Variants in SKAP1 observed in about 807,000 individuals in gnomAD.
SKAP1 encodes the protein src kinase-associated phosphoprotein 1.
A neutral mutation model predicts 58.5 loss-of-function variants in SKAP1; 44 were observed. The observed-to-expected ratio is 0.75, with a 90% CI of 0.59 to 0.97. SKAP1 has a LOEUF of 0.97. Ranked by LOEUF, SKAP1 falls within the 50% of genes least tolerant of loss-of-function variation. SKAP1 has a pLI of 0.00. For missense variants in SKAP1, 390 were observed against 435.2 expected (o/e 0.90, Z 0.92); for synonymous variants, 127 against 149.7 (o/e 0.85, Z 1.11).
chr17:48,438,654 A>G, the SKAP1 span, among the ~76,000 whole-genome samples: 1 of 152,154 alleles, frequency 6.6e-6, no homozygotes, highest in African/African-American at 2.4e-5. Flanking sequence ...TCCAAACCAC[A>G]TGGGGGAAAC....
chr17:48,223,539 A>G (rs2065029064), intron 4 of SKAP1, among the ~76,000 whole-genome samples: 1 of 152,186 alleles, frequency 6.6e-6, no homozygotes, highest in African/African-American at 2.4e-5. Flanking sequence ...ACTGCTGAAA[A>G]CTGAAGTGTG....
Position 48,199,034 on chromosome 17 carries a change from A to C in SKAP1, c.281-9534T>G, listed in dbSNP as rs60414943. ...CACGATTATACATGCATCACTTGAGAGCCTATCTTTAAAAACGAATGACGA... is the reference window on the plus strand; with the variant it reads ...CACGATTATACATGCATCACTTGAGCGCCTATCTTTAAAAACGAATGACGA... On this transcript the variant is annotated intron_variant, in intron 4 of 12. Coordinates refer to ENST00000336915, the MANE Select transcript of SKAP1 (RefSeq NM_003726.4). Among the ~76,000 whole-genome samples, 619 of 152,292 alleles carry C rather than the reference A, an allele frequency of 4.1e-3. 12 individuals carry two copies. The highest frequency in any genetic ancestry group is 0.027 in the Admixed American group (407 of 15,304).
chr17:48,158,177 CAAAAAAAAAAA>C (rs55933327), intron 11 of SKAP1, among the ~76,000 whole-genome samples: 4 of 106,298 alleles, frequency 3.8e-5, no homozygotes, highest in African/African-American at 1.4e-4. Flanking sequence ...AACTCTGTCT[CAAAAAAAAAAA>C]AAAAAAAAAA....
chr17:48,180,041 C>A lies in SKAP1; in HGVS notation c.826+13G>T, dbSNP rs756082081. The A allele has an allele frequency of 3.2e-6, 5 of 1,568,276 alleles. No homozygotes were observed. The highest frequency in any genetic ancestry group is 1.7e-4 in the Middle Eastern group (1 of 5,830). On this transcript the variant is annotated intron_variant, in intron 9 of 12. Transcript: ENST00000336915. ...AAACTAGCATAAGATAATCAGAGGA[C>A]AAAATTTCTCACCTGGCAAGACTTC...
chr17:48,417,385 C>T (rs1196890730), intron 1 of SKAP1, among the ~76,000 whole-genome samples: 16 of 152,104 alleles, frequency 1.1e-4, no homozygotes, highest in Non-Finnish European at 1.8e-4. Flanking sequence ...TAGCAGCTAG[C>T]CTAGAAATCC....
intron 11 of SKAP1, among the ~76,000 whole-genome samples, chr17:48,144,362 G>T (rs531110528): frequency 6.6e-6 from 1 of 152,122 alleles, no homozygotes; most frequent in Non-Finnish European, 1.5e-5. Context: ...TGAACACCAC[G>T]AGGTATTTTA....
intron 4 of SKAP1, among the ~76,000 whole-genome samples, chr17:48,200,463 G>A (rs1032468233): frequency 3.3e-5 from 5 of 149,952 alleles, no homozygotes; most frequent in Admixed American, 6.7e-5. Flanking sequence ...TGCAACCTCC[G>A]CCTCCCAGGT....
chr17:48,153,544 G>T (rs2063929915), intron 11 of SKAP1, among the ~76,000 whole-genome samples: 1 of 152,164 alleles, frequency 6.6e-6, no homozygotes, highest in South Asian at 2.1e-4. Context: ...TCACAGCACA[G>T]TGTTGACCTG....
intron 3 of SKAP1, among the ~76,000 whole-genome samples, chr17:48,363,001 T>C (rs1251527006): frequency 1.3e-5 from 2 of 152,188 alleles, no homozygotes; most frequent in Non-Finnish European, 2.9e-5. Flanking sequence ...TAAGATAATA[T>C]TCAGGTTGAT....
At chr17:48,344,858 A>G (rs1202162428) in intron 4 of SKAP1, among the ~76,000 whole-genome samples, 4 of 152,246 alleles carry the variant, frequency 2.6e-5, no homozygotes, top group African/African-American at 9.6e-5. Flanking sequence ...TGAAATAACA[A>G]TCAATGGATA....
At chr17:48,301,246 T>A (rs1352038364) in intron 4 of SKAP1, among the ~76,000 whole-genome samples, 1 of 152,152 alleles carries the variant, frequency 6.6e-6, no homozygotes, top group African/African-American at 2.4e-5. Context: ...TTGTTTTTAG[T>A]AGACTACTGA....
At chr17:48,369,142 T>C (rs1459964729) in intron 2 of SKAP1, among the ~76,000 whole-genome samples, 1 of 139,180 alleles carries the variant, frequency 7.2e-6, no homozygotes, top group Non-Finnish European at 1.5e-5. Flanking sequence ...ACAGACTCCA[T>C]CTCAAAATAA....
intron 3 of SKAP1, among the ~76,000 whole-genome samples, chr17:48,346,776 C>T (rs757429125): frequency 3.9e-5 from 6 of 152,112 alleles, no homozygotes; most frequent in Non-Finnish European, 7.3e-5. Context: ...AATAGTCTTT[C>T]TCTGAAAAGT....
intron 2 of SKAP1, among the ~76,000 whole-genome samples, chr17:48,384,282 T>C (rs951787804): frequency 1.3e-5 from 2 of 152,162 alleles, no homozygotes; most frequent in African/African-American, 4.8e-5. Context: ...CCCAGGATTT[T>C]GCCTTGGGAG....
At chr17:48,172,660 G>C (rs1283597519) in intron 9 of SKAP1, among the ~76,000 whole-genome samples, 13 of 152,090 alleles carry the variant, frequency 8.5e-5, no homozygotes, top group Non-Finnish European at 1.5e-5. Context: ...TTTCTCCTGA[G>C]TCTTAATGAC....
chr17:48,437,741 CAAAAAA>C, the SKAP1 span, among the ~76,000 whole-genome samples: 3 of 65,540 alleles, frequency 4.6e-5, no homozygotes, highest in African/African-American at 1.9e-4. Context: ...GACTCTGTCT[CAAAAAA>C]AAAAAAAAAA....
chr17:48,287,162 ATTTC>A (rs1167641258), intron 4 of SKAP1, among the ~76,000 whole-genome samples: 1 of 151,848 alleles, frequency 6.6e-6, no homozygotes, highest in Non-Finnish European at 1.5e-5. Context: ...GATAATTTTA[ATTTC>A]TTTATCAAAG....
chr17:48,425,567 C>T (rs946050682), intron 1 of SKAP1, among the ~76,000 whole-genome samples: 2 of 152,200 alleles, frequency 1.3e-5, no homozygotes, highest in African/African-American at 4.8e-5. Context: ...CACTGATCTG[C>T]AAGACAATCC....
chr17:48,391,436 CT>C (rs2067344025), intron 2 of SKAP1, among the ~76,000 whole-genome samples: 2 of 152,208 alleles, frequency 1.3e-5, no homozygotes, highest in African/African-American at 4.8e-5. Context: ...AATATTCTAT[CT>C]TTCTCACCTG....
Sources: gnomAD v4.1 joint callset for allele counts (sites outside exome capture counted in the v4.1 genomes callset) on GRCh38, gnomAD v4.1.1 for gene constraint, MANE v1.5 for transcripts, NCBI Gene and HGNC (gene_info 2026-07-23, HGNC 2026-07-21) for gene names.